The following TAPT1 variants were observed in gnomAD, a reference collection of about 807,000 sequenced individuals.
TAPT1 encodes transmembrane anterior posterior transformation protein 1 homolog.
A neutral mutation model predicts 65.6 loss-of-function variants in TAPT1; 28 were observed. The observed-to-expected ratio is 0.43, with a 90% confidence interval of 0.32 to 0.59. TAPT1 has a LOEUF of 0.59. Among genes scored for constraint, TAPT1 ranks in the 20% least tolerant of loss-of-function variants. The pLI, the probability that TAPT1 is intolerant of heterozygous loss-of-function variation, is 0.09. For synonymous variants in TAPT1, 278 were observed against 245.2 expected (o/e 1.13, Z -1.25); for missense variants, 563 against 679.9 (o/e 0.83, Z 1.91).
chr4:16,168,802 C>T (rs1341460012), intron 12 of TAPT1, among the ~76,000 whole-genome samples: 1 of 152,258 alleles, frequency 6.6e-6, no homozygotes, highest in African/African-American at 2.4e-5. Flanking sequence ...AAGCCCTAGA[C>T]CAGCCCAGGC....
intron 2 of TAPT1, among the ~76,000 whole-genome samples, chr4:16,203,269 G>C (rs779948477): frequency 1.3e-5 from 2 of 152,212 alleles, no homozygotes; most frequent in Non-Finnish European, 2.9e-5. Context: ...GCAACTTTCT[G>C]TATGTCTGAC....
chr4:16,193,740 C>T (rs989767477), intron 3 of TAPT1, among the ~76,000 whole-genome samples: 9 of 152,192 alleles, frequency 5.9e-5, no homozygotes, highest in South Asian at 2.1e-4. Flanking sequence ...AGGGAACAAA[C>T]GTGAGCCACC....
At chr4:16,225,880 A>G (rs1456054681) in intron 1 of TAPT1, 1 of 985,698 alleles carries the variant, frequency 1.0e-6, no homozygotes, top group Non-Finnish European at 1.2e-6. Context: ...TCACCTTGGC[A>G]TGAATATAAT....
chr4:16,169,530 T>C (rs1747857214), intron 12 of TAPT1, among the ~76,000 whole-genome samples: 1 of 152,216 alleles, frequency 6.6e-6, no homozygotes, highest in Non-Finnish European at 1.5e-5. Flanking sequence ...ATTAATGTAG[T>C]AAACCATTTA....
chr4:16,165,672 C>G (rs540295043), intron 13 of TAPT1, among the ~76,000 whole-genome samples: 3 of 152,184 alleles, frequency 2.0e-5, no homozygotes, highest in Non-Finnish European at 4.4e-5. Context: ...AGTCAACGTC[C>G]CAGTTCTTCC....
intron 4 of TAPT1, chr4:16,190,851 T>C (rs1749331761): frequency 6.5e-6 from 1 of 154,956 alleles, no homozygotes; most frequent in South Asian, 2.0e-4. Flanking sequence ...AATTGGGAAC[T>C]TATATTTATT....
At chr4:16,203,788 C>T (rs1578463822) in intron 2 of TAPT1, among the ~76,000 whole-genome samples, 1 of 152,158 alleles carries the variant, frequency 6.6e-6, no homozygotes, top group South Asian at 2.1e-4. Context: ...GTTATGGCAG[C>T]CCTAGCAAAC....
intron 3 of TAPT1, among the ~76,000 whole-genome samples, chr4:16,199,341 T>C (rs1165106818): frequency 6.6e-6 from 1 of 152,174 alleles, no homozygotes; most frequent in African/African-American, 2.4e-5. Context: ...TGCCCTCTAG[T>C]GTCATTTTAG....
intron 11 of TAPT1, among the ~76,000 whole-genome samples, chr4:16,173,960 C>T (rs569063151): frequency 4.6e-5 from 7 of 152,264 alleles, no homozygotes; most frequent in African/African-American, 1.7e-4. Flanking sequence ...AAAGAGTATT[C>T]TCATTGTTAG....
At chr4:16,217,032 C>T (rs1750979228) in intron 1 of TAPT1, among the ~76,000 whole-genome samples, 1 of 152,148 alleles carries the variant, frequency 6.6e-6, no homozygotes, top group Non-Finnish European at 1.5e-5. Flanking sequence ...TTCATTTCTC[C>T]CAAACACGTC....
At chr4:16,225,337 A>G (rs1265740425) in intron 1 of TAPT1, among the ~76,000 whole-genome samples, 1 of 152,230 alleles carries the variant, frequency 6.6e-6, no homozygotes, top group Non-Finnish European at 1.5e-5. Context: ...TATTTGCATG[A>G]ACTTCAGGAA....
intron 1 of TAPT1, among the ~76,000 whole-genome samples, chr4:16,223,630 C>G (rs13113574): frequency 6.6e-6 from 1 of 152,152 alleles, no homozygotes; most frequent in African/African-American, 2.4e-5. Context: ...AACGGGAGTT[C>G]TGAGAACGAA....
rs993432939 is a variant in TAPT1, at chr4:16,174,793, C to T, written c.1108-64G>A. 5 of 1,135,492 alleles carry T rather than the reference C, an allele frequency of 4.4e-6. No individual in the cohort carries two copies. In the African/African-American group the frequency reaches 4.9e-5, roughly 11 times the overall value. The allele number at this position is 1,135,492 out of a possible 1,614,324, so 70.3% of individuals were successfully genotyped here. A position where few individuals can be genotyped will look rare whatever the true frequency, so the allele number is the denominator to read the frequency against. Reference sequence around the variant, plus strand: ...AAAAATATATAATGTGGAAAGACTGCAACTTTATTAATAAAAACATTTAAT... The same window carrying T: ...AAAAATATATAATGTGGAAAGACTGTAACTTTATTAATAAAAACATTTAAT... On this transcript the variant is annotated intron_variant, in intron 9 of 13. Transcript: ENST00000405303.
At chr4:16,184,197 A>C (rs1748870927) in intron 7 of TAPT1, among the ~76,000 whole-genome samples, 2 of 152,134 alleles carry the variant, frequency 1.3e-5, no homozygotes, top group African/African-American at 2.4e-5. Context: ...TGCCCAACAA[A>C]CAACCTCTTA....
rs1747220409 is a variant in TAPT1 at position 16,161,111 on chromosome 4, T to C, written c.*2197A>G. On this transcript the variant is annotated 3_prime_UTR_variant, in exon 14 of 14. Coordinates refer to ENST00000405303, the MANE Select transcript of TAPT1 (RefSeq NM_153365.3). ...CTGAGAAATATTAAATGGTCTATAA[T>C]CAAGGCCGAGCCTATTTTTTCCAAA... 6.6e-6 allele frequency: 1 copy of C among 152,594 alleles called. No individual in the cohort carries two copies. Among genetic ancestry groups the C allele is most frequent in the Admixed American group, 6.5e-5 (1 of 15,276 alleles). 9.5% of individuals were successfully genotyped at this position (152,594 alleles called of 1,614,324 possible). A position where few individuals can be genotyped will look rare whatever the true frequency, so the allele number is the denominator to read the frequency against.
At chr4:16,166,362 G>A (rs1747619342) in intron 13 of TAPT1, among the ~76,000 whole-genome samples, 1 of 152,208 alleles carries the variant, frequency 6.6e-6, no homozygotes, top group Non-Finnish European at 1.5e-5. Context: ...CAAGCTCCAT[G>A]GGAGCAGAGA....
At chr4:16,185,485 C>T (rs755431353) in intron 7 of TAPT1, among the ~76,000 whole-genome samples, 1 of 151,854 alleles carries the variant, frequency 6.6e-6, no homozygotes, top group Non-Finnish European at 1.5e-5. Context: ...TCTCCTGCCT[C>T]AGTCTCCCCA....
intron 2 of TAPT1, among the ~76,000 whole-genome samples, chr4:16,209,907 A>G (rs1454970877): frequency 6.6e-6 from 1 of 152,114 alleles, no homozygotes; most frequent in Non-Finnish European, 1.5e-5. Flanking sequence ...GTCCAAGTCA[A>G]GGTGGGGTAT....
At chr4:16,224,621 C>T (rs1227342462) in intron 1 of TAPT1, among the ~76,000 whole-genome samples, 3 of 152,164 alleles carry the variant, frequency 2.0e-5, no homozygotes, top group African/African-American at 7.2e-5. Flanking sequence ...AGAACAAGGA[C>T]TACCCCAACA....
Sources: allele counts gnomAD v4.1 joint callset (sites outside exome capture counted in the v4.1 genomes callset), GRCh38; gene constraint gnomAD v4.1.1; transcripts MANE v1.5; gene names NCBI Gene and HGNC (gene_info 2026-07-23, HGNC 2026-07-21).